KCNC3: variants seen among roughly 807,000 people sequenced by gnomAD.
KCNC3 encodes the protein voltage-gated potassium channel KCNC3.
A neutral mutation model predicts 43.9 loss-of-function variants in KCNC3; 22 were observed. The ratio of observed to expected loss-of-function variants is 0.50; its 90% confidence interval spans 0.36 to 0.72. The LOEUF is 0.72. KCNC3 is among the 30% of genes least tolerant of loss of function. The probability of loss-of-function intolerance (pLI) is 0.00; values close to 1 mark genes in which losing one functional copy is unlikely to be tolerated. For synonymous variants in KCNC3, 492 were observed against 488.0 expected, an observed-to-expected ratio of 1.01 and a Z score of -0.11; for missense variants, 829 against 1,073.8, an observed-to-expected ratio of 0.77 and a Z score of 3.19.
At chr19:50,331,344 G>A (rs2123554524), upstream of KCNC3, among the ~76,000 whole-genome samples, 1 of 136,688 alleles carries the variant, frequency 7.3e-6, no homozygotes, top group East Asian at 2.1e-4. Flanking sequence ...CTCTCTGTCT[G>A]GGGCTCTGTA....
chr19:50,316,800 C>T (rs572762250), intron 4 of KCNC3, among the ~76,000 whole-genome samples: 1 of 146,948 alleles, frequency 6.8e-6, no homozygotes, highest in African/African-American at 2.5e-5. Flanking sequence ...GGGGAAGGAG[C>T]ATGGGGGGCA....
In KCNC3 at chr19:50,315,887, C is replaced by G; in HGVS notation, c.*228G>C. 1 of 333,894 alleles carries G rather than the reference C, an allele frequency of 3.0e-6. No homozygotes were observed. The highest frequency in any genetic ancestry group is 1.6e-4 in the South Asian group (1 of 6,280). The allele number at this position is 333,894 out of a possible 1,614,324, so 20.7% of individuals were successfully genotyped here. A position where few individuals can be genotyped will look rare whatever the true frequency, so the allele number is the denominator to read the frequency against. On this transcript the variant is annotated 3_prime_UTR_variant, in exon 5 of 5. Transcript: ENST00000477616. ...GGCTGCCTGCAGGGTTCTGCACCCCCGCAGGGAGCTCTGTGGCTTTTCCAG... is the reference window on the plus strand; with the variant it reads ...GGCTGCCTGCAGGGTTCTGCACCCCGGCAGGGAGCTCTGTGGCTTTTCCAG...
In KCNC3 at chr19:50,320,281, G is replaced by T; in HGVS notation, c.2239C>A (p.Leu747Ile). 2.8e-6 allele frequency: 3 copies of T among 1,077,812 alleles called. No individual in the cohort carries two copies. The highest frequency in any genetic ancestry group is 3.7e-6 in the Non-Finnish European group (3 of 811,160). 66.8% of individuals were successfully genotyped at this position (1,077,812 alleles called of 1,614,324 possible). ...ATCCAGGCCGCGGCGTTGGCGTTGA[G>T]GTCGGGCAAGAAGCTTGGGGGGCCT... ...KPGPPSFLPD[L>I]NANAAAWISP The change falls in exon 4 of 5, where the codon CTC (leucine) becomes ATC (isoleucine). Residue 747 changes from leucine to isoleucine, a missense_variant. Physicochemically the swap from Leu to Ile is conservative, Grantham distance 5. Around this residue, in one of 7 missense-constraint regions of KCNC3, gnomAD observed 308 missense variants for 276.2 expected, o/e 1.11. Transcript: ENST00000477616.
intron 4 of KCNC3, among the ~76,000 whole-genome samples, chr19:50,317,073 T>A (rs1440537225): frequency 9.2e-6 from 1 of 108,124 alleles, no homozygotes; most frequent in African/African-American, 3.6e-5. Context: ...CTCAATCCCA[T>A]AGGGGCCCCT....
At chr19:50,321,736 C>G (rs945830217) in intron 2 of KCNC3, among the ~76,000 whole-genome samples, 1 of 151,970 alleles carries the variant, frequency 6.6e-6, no homozygotes, top group Non-Finnish European at 1.5e-5. Context: ...TTCCACTGCA[C>G]TCCGGCCTGG....
At position 50,313,956 on chromosome 19, in the gene KCNC3, G is replaced by C. The variant is rs2036911608; in HGVS notation, c.*2159C>G. On this transcript the variant is annotated 3_prime_UTR_variant, in exon 5 of 5. Coordinates refer to ENST00000477616, the MANE Select transcript of KCNC3 (RefSeq NM_004977.3). ...GTGTGGGGATTGGGAGATGTGGCGT[G>C]CCAGGGTCAGTCTCAGAATTCTGGG... is the stretch of plus-strand genomic sequence containing the variant. The C allele has an allele frequency of 6.6e-6, 1 of 152,100 alleles. No individual in the cohort carries two copies. Among genetic ancestry groups the C allele is most frequent in the Non-Finnish European group, 1.5e-5 (1 of 68,058 alleles). The allele number at this position is 152,100 out of a possible 1,614,324, so 9.4% of individuals were successfully genotyped here. A position where few individuals can be genotyped will look rare whatever the true frequency, so the allele number is the denominator to read the frequency against.
chr19:50,321,639 G>A (rs915938258), intron 2 of KCNC3, among the ~76,000 whole-genome samples: 1 of 151,876 alleles, frequency 6.6e-6, no homozygotes, highest in East Asian at 1.9e-4. Flanking sequence ...GCACAGTGGC[G>A]GGCGCCTGTA....
intron 4 of KCNC3, among the ~76,000 whole-genome samples, chr19:50,319,515 A>C (rs1459416747): frequency 6.6e-6 from 1 of 151,844 alleles, no homozygotes; most frequent in Non-Finnish European, 1.5e-5. Context: ...GTTCCCTTCA[A>C]CCGTTCCTGT....
Position 50,328,812 on chromosome 19 carries a change from C to T in KCNC3, c.271G>A (p.Val91Met). The T allele has an allele frequency of 2.6e-6, 4 of 1,523,814 alleles. No homozygotes were observed. The highest frequency in any genetic ancestry group is 3.5e-6 in the Non-Finnish European group (4 of 1,139,962). The allele number at this position is 1,523,814 out of a possible 1,614,324, so 94.4% of individuals were successfully genotyped here. ...GGGGGDSGKI[V>M]INVGGVRHET... ...TGGCGCACGCCGCCCACGTTGATCA[C>T]GATCTTGCCGCTGTCGCCACCGCCG... is the stretch of plus-strand genomic sequence containing the variant. The change falls in exon 1 of 5, where the codon GTG becomes ATG. Residue 91 changes from valine to methionine, a missense_variant. Val to Met is a conservative substitution (Grantham distance 21). Around this residue, in one of 7 missense-constraint regions of KCNC3, gnomAD observed 121 missense variants for 247.4 expected, o/e 0.49. Coordinates refer to ENST00000477616, the MANE Select transcript of KCNC3 (RefSeq NM_004977.3).
upstream of KCNC3, among the ~76,000 whole-genome samples, chr19:50,331,852 T>C (rs562530991): frequency 2.6e-5 from 4 of 152,248 alleles, 1 homozygote; most frequent in Admixed American, 2.6e-4. Flanking sequence ...TGTCCCCCTC[T>C]CTCTGGGTCT....
rs1325103598 is a variant in KCNC3, at chr19:50,323,539, T to C, written c.1414A>G (p.Ile472Val). The C allele has an allele frequency of 3.1e-6, 5 of 1,614,046 alleles. No individual in the cohort carries two copies. The African/African-American group carries it at 5.3e-5, about 17-fold the overall frequency. Residue 472 changes from isoleucine to valine, a missense_variant, in exon 2 of 5, where the codon ATT becomes GTT. Transcript: ENST00000477616. The stretch of plus-strand genomic sequence containing the variant: ...AGGATGTCATCGGGGTCGGCGCCAA[T>C]GCGCTCAGCGTAGTAAATCATGGTG... Reference protein sequence around the residue: ...FATMIYYAERIGADPDDILGS... With the variant: ...FATMIYYAERVGADPDDILGS...
In KCNC3 at chr19:50,328,497, C is replaced by T; in HGVS notation, c.586G>A (p.Glu196Lys). 6.2e-7 allele frequency: 1 copy of T among 1,610,108 alleles called. No homozygotes were observed. Among genetic ancestry groups the T allele is most frequent in the Non-Finnish European group, 8.5e-7 (1 of 1,179,314 alleles). Reference protein sequence around the residue: ...WMTYRQHRDAEEALDSFEAPD... With the variant: ...WMTYRQHRDAKEALDSFEAPD... ...GCCTCGAAGGAGTCGAGCGCCTCCT[C>T]AGCGTCGCGATGCTGCCGGTAGGTC... Residue 196 changes from glutamate (E) to lysine (K), a missense_variant, in exon 1 of 5, where the codon GAG becomes AAG. By Grantham distance (56) the Glu-to-Lys change is moderately conservative (BLOSUM62 1). Around this residue, in one of 7 missense-constraint regions of KCNC3, gnomAD observed 121 missense variants for 247.4 expected, o/e 0.49. Coordinates refer to ENST00000477616, the MANE Select transcript of KCNC3 (RefSeq NM_004977.3).
At chr19:50,326,456 C>T (rs2037107148) in intron 1 of KCNC3, among the ~76,000 whole-genome samples, 2 of 151,998 alleles carry the variant, frequency 1.3e-5, no homozygotes, top group Admixed American at 6.5e-5. Flanking sequence ...GGGGACCAAA[C>T]TTTATGCGGT....
chr19:50,319,809 C>T (rs1322574425), intron 4 of KCNC3, among the ~76,000 whole-genome samples: 3 of 152,096 alleles, frequency 2.0e-5, no homozygotes, highest in African/African-American at 4.8e-5. Context: ...GCTGTCTAAG[C>T]GCTGGCTGAA....
Position 50,328,344 on chromosome 19 carries a change from A to G in KCNC3, c.739T>C (p.Phe247Leu). The G allele has an allele frequency of 8.6e-7, 1 of 1,166,468 alleles. No individual in the cohort carries two copies. Among genetic ancestry groups the G allele is most frequent in the Non-Finnish European group, 1.1e-6 (1 of 948,860 alleles). The allele number at this position is 1,166,468 out of a possible 1,614,324, so 72.3% of individuals were successfully genotyped here. A position where few individuals can be genotyped will look rare whatever the true frequency, so the allele number is the denominator to read the frequency against. ...CCGGCGCCGCCGCCCGCGTCCTGGA[A>G]GCAGAGGCGCTTGAGCTCGCCGCCC... ...GAGGELKRLC[F>L]QDAGGGAGGP... Residue 247 changes from phenylalanine to leucine, a missense_variant, in exon 1 of 5, where the codon TTC (phenylalanine) becomes CTC (leucine). By Grantham distance (22) the Phe-to-Leu change is conservative. Around this residue, in one of 7 missense-constraint regions of KCNC3, gnomAD observed 60 missense variants for 56.0 expected, o/e 1.07. Transcript: ENST00000477616.
intron 4 of KCNC3, among the ~76,000 whole-genome samples, chr19:50,317,177 G>A (rs566461707): frequency 1.3e-5 from 2 of 151,766 alleles, no homozygotes. Context: ...GGGGAGTGGG[G>A]GGGTAATGAG....
rs547058270 is a variant in KCNC3 at position 50,325,723 on chromosome 19, C to G, written c.871-1641G>C. On this transcript the variant is annotated intron_variant, in intron 1 of 4. Coordinates refer to ENST00000477616, the MANE Select transcript of KCNC3 (RefSeq NM_004977.3). Reference sequence around the variant, plus strand: ...CGGCACCGCAGTGGGGGCGGGCCAGCCGGGCCGGGGGGCGGGGCGCACGGC... The same window carrying G: ...CGGCACCGCAGTGGGGGCGGGCCAGGCGGGCCGGGGGGCGGGGCGCACGGC... 1.2e-4 allele frequency among the ~76,000 whole-genome samples: 18 copies of G among 152,098 alleles called. No homozygotes were observed. In the South Asian group the frequency reaches 3.7e-3, roughly 31 times the overall value.
chr19:50,326,223 C>G (rs2037103846), intron 1 of KCNC3, among the ~76,000 whole-genome samples: 1 of 152,228 alleles, frequency 6.6e-6, no homozygotes, highest in African/African-American at 2.4e-5. Flanking sequence ...TCTCCCGTAG[C>G]TGTCCCGAAC....
At position 50,328,558 on chromosome 19, in the gene KCNC3, G is replaced by A; in HGVS notation, c.525C>T (p.Gly175=). The part of the protein sequence containing the change: ...PLFEEELGFW[G]IDETDVEACC... The stretch of plus-strand genomic sequence containing the variant: ...AGGCCTCCACGTCGGTCTCGTCGAT[G>A]CCCCAGAAGCCGAGCTCCTCCTCAA... Residue 175 remains glycine, a synonymous_variant, in exon 1 of 5, where the codon GGC becomes GGT. Transcript: ENST00000477616. The A allele has an allele frequency of 1.2e-6, 2 of 1,610,906 alleles. No homozygotes were observed. The highest frequency in any genetic ancestry group is 1.1e-5 in the South Asian group (1 of 90,992).
Sources: gnomAD v4.1 joint callset for allele counts (sites outside exome capture counted in the v4.1 genomes callset) on GRCh38, gnomAD v4.1.1 for gene constraint, gnomAD v4.1.1 regional missense constraint, MANE v1.5 for transcripts, NCBI Gene and HGNC (gene_info 2026-07-23, HGNC 2026-07-21) for gene names.